Variants in DPP10 observed in about 807,000 individuals in gnomAD.
DPP10 encodes the protein inactive dipeptidyl peptidase 10.
Under a neutral mutation model 120.9 loss-of-function variants are expected in DPP10, and 33 were observed. The observed-to-expected ratio is 0.27, with a 90% CI of 0.21 to 0.37. The LOEUF is 0.37. Ranked by LOEUF, DPP10 falls within the 10% of genes least tolerant of loss-of-function variation. The probability of loss-of-function intolerance (pLI) is 1.00; values close to 1 mark genes in which losing one functional copy is unlikely to be tolerated. For synonymous variants in DPP10, 337 were observed against 326.1 expected (o/e 1.03, Z -0.36); for missense variants, 816 against 942.8 (o/e 0.87, Z 1.76).
rs142110586 is a variant in DPP10, at chr2:114,866,833, C to T, written c.60+423995C>T. Among the ~76,000 whole-genome samples, 37 of 152,286 alleles carry T rather than the reference C, an allele frequency of 2.4e-4. 2 individuals are homozygous for T. In the East Asian group the frequency reaches 4.8e-3, roughly 20 times the overall value. On this transcript the variant is annotated intron_variant, in intron 1 of 25. Transcript: ENST00000410059. ...ATTTTCCAAGACCTCTTTGGTTGTT[C>T]GGTGAAGCCTGGAGAACCCCCTCAA...
At chr2:115,593,993 TC>T (rs2082839551) in intron 5 of DPP10, among the ~76,000 whole-genome samples, 1 of 152,168 alleles carries the variant, frequency 6.6e-6, no homozygotes, top group Non-Finnish European at 1.5e-5. Context: ...ATTCCTCTCT[TC>T]TTGAAGTCCT....
In DPP10 at chr2:115,438,161, T is replaced by G. The variant is rs138741510; in HGVS notation, c.272-61349T>G. On this transcript the variant is annotated intron_variant, in intron 3 of 25. Coordinates refer to ENST00000410059, the MANE Select transcript of DPP10 (RefSeq NM_020868.6). The stretch of plus-strand genomic sequence containing the variant: ...TAAACATCACTAACCATTAGGAAAA[T>G]GCAAATCAAAACCACAATGAGACAC... Among the ~76,000 whole-genome samples the G allele has an allele frequency of 3.7e-3, 562 of 151,850 alleles. 3 individuals carry two copies. The highest frequency in any genetic ancestry group is 0.013 in the African/African-American group (550 of 41,396).
At chr2:115,574,906 A>G (rs1045951678) in intron 5 of DPP10, among the ~76,000 whole-genome samples, 1 of 152,140 alleles carries the variant, frequency 6.6e-6, no homozygotes, top group African/African-American at 2.4e-5. Flanking sequence ...TGTGGTCATC[A>G]CTGTGTCCAT....
intron 1 of DPP10, among the ~76,000 whole-genome samples, chr2:114,532,356 C>CAT (rs1281779553): frequency 3.0e-4 from 42 of 139,320 alleles, no homozygotes; most frequent in African/African-American, 1.0e-3. Flanking sequence ...ATATGTATAC[C>CAT]ATATATATAT....
intron 1 of DPP10, among the ~76,000 whole-genome samples, chr2:115,133,273 G>C (rs1316725600): frequency 4.8e-5 from 7 of 147,164 alleles, no homozygotes; most frequent in African/African-American, 1.8e-4. Flanking sequence ...TTACAGCCTG[G>C]GTGACAAGAG....
At chr2:114,848,892 A>G (rs989679840) in intron 1 of DPP10, among the ~76,000 whole-genome samples, 1 of 152,164 alleles carries the variant, frequency 6.6e-6, no homozygotes, top group African/African-American at 2.4e-5. Flanking sequence ...AGGCTGGGAA[A>G]TCTAAGATCA....
intron 7 of DPP10, among the ~76,000 whole-genome samples, chr2:115,690,671 C>T (rs937225875): frequency 6.6e-6 from 1 of 152,114 alleles, no homozygotes; most frequent in African/African-American, 2.4e-5. Context: ...CCTAGGCCTA[C>T]CCAAAGTGAT....
intron 1 of DPP10, among the ~76,000 whole-genome samples, chr2:115,265,658 A>C (rs964489499): frequency 3.3e-5 from 5 of 152,164 alleles, no homozygotes; most frequent in African/African-American, 7.2e-5. Context: ...AATTCAGTGT[A>C]TAATAGCACT....
At chr2:114,510,983 G>T (rs992994667) in intron 1 of DPP10, among the ~76,000 whole-genome samples, 2 of 152,204 alleles carry the variant, frequency 1.3e-5, no homozygotes, top group African/African-American at 2.4e-5. Flanking sequence ...AGCATTAGAC[G>T]CAAAAGGTAT....
chr2:114,921,581 C>G (rs1695197926), intron 1 of DPP10, among the ~76,000 whole-genome samples: 1 of 152,112 alleles, frequency 6.6e-6, no homozygotes, highest in Admixed American at 6.6e-5. Context: ...ATTTAGATGT[C>G]AAATTAAAAT....
intron 3 of DPP10, among the ~76,000 whole-genome samples, chr2:115,363,371 G>T (rs1389873773): frequency 6.6e-6 from 1 of 152,194 alleles, no homozygotes; most frequent in Admixed American, 6.5e-5. Context: ...AAGTCACTAA[G>T]TCCTTGTAGA....
chr2:115,776,641 T>C (rs1356141959), intron 13 of DPP10, among the ~76,000 whole-genome samples: 1 of 152,168 alleles, frequency 6.6e-6, no homozygotes, highest in Admixed American at 6.6e-5. Flanking sequence ...AAACAATATA[T>C]ATTTTTTAGA....
intron 5 of DPP10, among the ~76,000 whole-genome samples, chr2:115,658,388 C>A (rs2088592946): frequency 6.6e-6 from 1 of 151,844 alleles, no homozygotes; most frequent in African/African-American, 2.4e-5. Context: ...ACTTGACAAC[C>A]CCTTTTTTTT....
chr2:115,491,683 G>A (rs1451790746), intron 3 of DPP10, among the ~76,000 whole-genome samples: 3 of 152,092 alleles, frequency 2.0e-5, no homozygotes, highest in Non-Finnish European at 2.9e-5. Context: ...AATGTTTCTG[G>A]TTGGAGATGT....
In DPP10 at chr2:114,774,322, A is replaced by G. The variant is rs75037046; in HGVS notation, c.60+331484A>G. Among the ~76,000 whole-genome samples the G allele has an allele frequency of 5.0e-3, 763 of 152,170 alleles. 5 individuals carry two copies. Among genetic ancestry groups the G allele is most frequent in the Middle Eastern group, 0.01 (3 of 294 alleles). ...TACATTCCATAACCAACCTATGCAC[A>G]GCAGTAAGTGGAGTCTTTGGGGCTT... On this transcript the variant is annotated intron_variant, in intron 1 of 25. Coordinates refer to ENST00000410059, the MANE Select transcript of DPP10 (RefSeq NM_020868.6).
intron 1 of DPP10, among the ~76,000 whole-genome samples, chr2:114,792,158 TTATTAA>T (rs1218569293): frequency 7.9e-5 from 12 of 152,326 alleles, no homozygotes; most frequent in African/African-American, 2.9e-4. Context: ...AAATCTATTA[TTATTAA>T]TATTATGAAT....
At chr2:114,534,906 G>A (rs765500040) in intron 1 of DPP10, among the ~76,000 whole-genome samples, 10 of 151,980 alleles carry the variant, frequency 6.6e-5, no homozygotes, top group Non-Finnish European at 1.2e-4. Context: ...CCCCTTCTGG[G>A]GCCCCTTGAG....
chr2:115,165,019 AAAAAC>A (rs1481293559), intron 1 of DPP10, among the ~76,000 whole-genome samples: 1 of 152,254 alleles, frequency 6.6e-6, no homozygotes, highest in Non-Finnish European at 1.5e-5. Flanking sequence ...CAAAATATCT[AAAAAC>A]AAATGCCTTG....
intron 5 of DPP10, among the ~76,000 whole-genome samples, chr2:115,636,159 C>CA (rs1405961139): frequency 7.0e-6 from 1 of 142,282 alleles, no homozygotes; most frequent in Non-Finnish European, 1.5e-5. Context: ...AAAAAAAAAA[C>CA]AAAAAACAGA....
Sources: allele counts gnomAD v4.1 joint callset (sites outside exome capture counted in the v4.1 genomes callset), GRCh38; gene constraint gnomAD v4.1.1; transcripts MANE v1.5; gene names NCBI Gene and HGNC (gene_info 2026-07-23, HGNC 2026-07-21).